Variants in NAA16 observed in about 807,000 individuals in gnomAD.
NAA16 encodes N-alpha-acetyltransferase 16, NatA auxiliary subunit, also known as NARG1-like protein.
Under a neutral mutation model 110.3 loss-of-function variants are expected in NAA16, and 97 were observed. That is an observed-to-expected ratio of 0.88 (90% CI 0.75 to 1.04). The LOEUF (loss-of-function observed/expected upper bound fraction) is 1.04. Ranked by LOEUF, NAA16 falls within the 50% of genes least tolerant of loss-of-function variation. NAA16 has a pLI of 0.00. For missense variants in NAA16, 1,017 were observed against 1,005.1 expected (o/e 1.01, Z -0.16); for synonymous variants, 372 against 330.6 (o/e 1.13, Z -1.36).
At chr13:41,339,170 C>T (rs1030224234) in intron 9 of NAA16, among the ~76,000 whole-genome samples, 37 of 152,072 alleles carry the variant, frequency 2.4e-4, no homozygotes, top group African/African-American at 8.4e-4. Context: ...GTCAGAGTTT[C>T]GCTCTTGTTG....
intron 3 of NAA16, among the ~76,000 whole-genome samples, chr13:41,320,162 G>A (rs1453899992): frequency 6.6e-6 from 1 of 152,062 alleles, no homozygotes; most frequent in Non-Finnish European, 1.5e-5. Context: ...CTTATTTTTT[G>A]TGGCCTTTAA....
chr13:41,375,772 C>T lies in NAA16; in HGVS notation c.*170C>T, dbSNP rs1199763063. On this transcript the variant is annotated 3_prime_UTR_variant, in exon 20 of 20. Transcript: ENST00000379406. ...TTACCCGACCTGCCAATTTACATAA[C>T]CATCTGTTAAAATTACCTGTTTATT... The T allele has an allele frequency of 3.9e-6, 2 of 518,650 alleles. No homozygotes were observed. The highest frequency in any genetic ancestry group is 6.7e-6 in the Non-Finnish European group (2 of 298,920). The allele number at this position is 518,650 out of a possible 1,614,324, so 32.1% of individuals were successfully genotyped here. A position where few individuals can be genotyped will look rare whatever the true frequency, so the allele number is the denominator to read the frequency against.
At chr13:41,360,146 G>T (rs1193129117) in intron 12 of NAA16, among the ~76,000 whole-genome samples, 3 of 152,150 alleles carry the variant, frequency 2.0e-5, no homozygotes, top group Non-Finnish European at 4.4e-5. Context: ...GAAGGCCAAG[G>T]TAGCGATAGG....
At chr13:41,336,162 TAA>T (rs140758616) in intron 8 of NAA16, among the ~76,000 whole-genome samples, 24 of 151,028 alleles carry the variant, frequency 1.6e-4, no homozygotes, top group African/African-American at 5.8e-4. Context: ...AAGTTCTATT[TAA>T]AAAAAAATTT....
chr13:41,312,885 G>A (rs1347818379), intron 1 of NAA16, among the ~76,000 whole-genome samples: 2 of 152,144 alleles, frequency 1.3e-5, no homozygotes, highest in Non-Finnish European at 2.9e-5. Flanking sequence ...CACGTGGCAG[G>A]TTGCTTCATT....
At chr13:41,345,759 G>A (rs2042665897) in intron 9 of NAA16, among the ~76,000 whole-genome samples, 1 of 152,030 alleles carries the variant, frequency 6.6e-6, no homozygotes, top group African/African-American at 2.4e-5. Flanking sequence ...ATTTTTTATA[G>A]AGACAGGGTT....
At chr13:41,313,301 C>T (rs2041699809) in intron 1 of NAA16, among the ~76,000 whole-genome samples, 1 of 152,208 alleles carries the variant, frequency 6.6e-6, no homozygotes, top group African/African-American at 2.4e-5. Context: ...TTGAAGCGAT[C>T]TTCCCACCTC....
In NAA16 at chr13:41,373,639, T is replaced by C; in HGVS notation, c.2158T>C (p.Ser720Pro). 2 of 1,594,610 alleles carry C rather than the reference T, an allele frequency of 1.3e-6. No individual in the cohort carries two copies. The highest frequency in any genetic ancestry group is 1.7e-6 in the Non-Finnish European group (2 of 1,173,314). Residue 720 changes from serine (S) to proline (P), a missense_variant and splice_region_variant, in exon 18 of 20, where the codon TCT becomes CCT. Physicochemically the swap from Ser to Pro is moderately conservative, Grantham distance 74. Transcript: ENST00000379406. Reference sequence around the variant, plus strand: ...TCCAAATGTTTTTGTTTTTATAGTGTCTAATCATAGTAATCTTCCAGACAT... The same window carrying C: ...TCCAAATGTTTTTGTTTTTATAGTGCCTAATCATAGTAATCTTCCAGACAT... ...ECLIRFSKSV[S>P]NHSNLPDIVS... is the part of the protein sequence containing the mutation.
chr13:41,315,374 C>T (rs548751234), intron 1 of NAA16, among the ~76,000 whole-genome samples: 2 of 152,128 alleles, frequency 1.3e-5, no homozygotes, highest in South Asian at 2.1e-4. Flanking sequence ...GGGTGTTCTT[C>T]GCATCAGTGG....
At chr13:41,328,890 A>G (rs1162337160) in intron 7 of NAA16, 47 bp downstream of exon 7, 1 of 1,468,162 alleles carries the variant, frequency 6.8e-7, no homozygotes. Context: ...TGATTGAAGT[A>G]TAATAAAATG....
intron 9 of NAA16, among the ~76,000 whole-genome samples, chr13:41,347,234 C>G (rs201103693): frequency 3.4e-5 from 1 of 29,264 alleles, no homozygotes; most frequent in African/African-American, 5.0e-5. Flanking sequence ...AAAACAAAAA[C>G]AAAAACAAAA....
intron 9 of NAA16, among the ~76,000 whole-genome samples, chr13:41,349,263 G>A (rs954121543): frequency 3.3e-5 from 5 of 151,742 alleles, no homozygotes; most frequent in African/African-American, 1.2e-4. Context: ...GTAACTCATT[G>A]TAGCATCAAA....
intron 8 of NAA16, among the ~76,000 whole-genome samples, chr13:41,335,221 C>CATAGA (rs1229986124): frequency 6.7e-5 from 1 of 14,940 alleles, no homozygotes; most frequent in African/African-American, 6.1e-4. Flanking sequence ...TGTCAGATAT[C>CATAGA]AGAGAAGAGA....
chr13:41,356,353 C>T (rs1324294089), intron 10 of NAA16, among the ~76,000 whole-genome samples: 1 of 152,100 alleles, frequency 6.6e-6, no homozygotes, highest in African/African-American at 2.4e-5. Flanking sequence ...ACATTCCAGA[C>T]TTACTGTTTC....
chr13:41,350,095 C>T (rs554133795), intron 9 of NAA16, among the ~76,000 whole-genome samples: 1 of 151,798 alleles, frequency 6.6e-6, no homozygotes, highest in African/African-American at 2.4e-5. Flanking sequence ...TGTAGTGAGG[C>T]AGTGTCTCTA....
chr13:41,374,913 TG>T lies in NAA16; in HGVS notation c.2397+75del, dbSNP rs2043399009. ...AAACGTGTCTTTACAGCATAATTCTTGAGTAGGCCTTCAGAATTATGCCTGG... is the reference window on the plus strand; with the variant it reads ...AAACGTGTCTTTACAGCATAATTCTTAGTAGGCCTTCAGAATTATGCCTGG... On this transcript the variant is annotated intron_variant, in intron 19 of 19. Transcript: ENST00000379406. The T allele has an allele frequency of 3.6e-6, 3 of 844,916 alleles. No individual in the cohort carries two copies. The African/African-American group carries it at 5.1e-5, about 14-fold the overall frequency. 52.3% of individuals were successfully genotyped at this position (844,916 alleles called of 1,614,324 possible).
At chr13:41,372,924 C>A (rs1324984016) in intron 17 of NAA16, 94 bp downstream of exon 17, 22 of 1,251,966 alleles carry the variant, frequency 1.8e-5, no homozygotes, top group Non-Finnish European at 2.0e-5. Flanking sequence ...TATTTAATAA[C>A]CCTCTCTTTG....
intron 7 of NAA16, among the ~76,000 whole-genome samples, chr13:41,330,073 C>G (rs758749225): frequency 6.6e-6 from 1 of 151,422 alleles, no homozygotes; most frequent in African/African-American, 2.4e-5. Flanking sequence ...CGATTAGGCA[C>G]GAACATGAGA....
chr13:41,355,110 A>G, intron 9 of NAA16, 34 bp from the exon 10 acceptor site: 6 of 1,331,274 alleles, frequency 4.5e-6, no homozygotes, highest in Non-Finnish European at 6.3e-6. Flanking sequence ...TCAAGAAGAT[A>G]TTTTTAAATT....
Sources: gnomAD v4.1 joint callset for allele counts (sites outside exome capture counted in the v4.1 genomes callset) on GRCh38, gnomAD v4.1.1 for gene constraint, MANE v1.5 for transcripts, NCBI Gene and HGNC (gene_info 2026-07-23, HGNC 2026-07-21) for gene names.